GHR: variants seen among roughly 807,000 people sequenced by gnomAD.
The protein encoded by GHR is GH receptor.
Under a neutral mutation model 67.1 loss-of-function variants are expected in GHR, and 35 were observed. That is an observed-to-expected ratio of 0.52 (90% confidence interval 0.40 to 0.69). The LOEUF (loss-of-function observed/expected upper bound fraction) is 0.69, where lower values mean the gene tolerates loss of function less well. Ranked by LOEUF, GHR falls within the 30% of genes least tolerant of loss-of-function variation. The pLI is 0.00. For missense variants in GHR, 792 were observed against 764.6 expected (o/e 1.04, Z -0.42); for synonymous variants, 272 against 269.1 (o/e 1.01, Z -0.10).
intron 3 of GHR, among the ~76,000 whole-genome samples, chr5:42,665,972 A>G (rs1057453654): frequency 1.3e-5 from 2 of 152,060 alleles, no homozygotes; most frequent in Non-Finnish European, 2.9e-5. Context: ...TGCCCCCATG[A>G]TTCAATTACC....
chr5:42,527,200 T>A (rs1747740907), intron 1 of GHR, among the ~76,000 whole-genome samples: 1 of 152,102 alleles, frequency 6.6e-6, no homozygotes, highest in African/African-American at 2.4e-5. Context: ...AACAACACAA[T>A]GACACTATCA....
intron 6 of GHR, among the ~76,000 whole-genome samples, chr5:42,705,763 CCATGGTGTA>C (rs1382836872): frequency 6.6e-6 from 1 of 152,142 alleles, no homozygotes; most frequent in East Asian, 1.9e-4. Context: ...GAGCAGTATT[CCATGGTGTA>C]CATATACCAC....
At chr5:42,553,732 C>T (rs995608022) in intron 1 of GHR, among the ~76,000 whole-genome samples, 14 of 152,328 alleles carry the variant, frequency 9.2e-5, no homozygotes, top group African/African-American at 3.4e-4. Flanking sequence ...GATCTTTTAG[C>T]ATTCCATCTA....
At chr5:42,464,660 T>C (rs971261103) in intron 1 of GHR, among the ~76,000 whole-genome samples, 1 of 152,196 alleles carries the variant, frequency 6.6e-6, no homozygotes, top group Admixed American at 6.5e-5. Flanking sequence ...ATCTTAGTTT[T>C]GTTAAGGGTA....
intron 1 of GHR, among the ~76,000 whole-genome samples, chr5:42,459,130 T>C (rs145670703): frequency 6.6e-6 from 1 of 152,324 alleles, no homozygotes; most frequent in East Asian, 1.9e-4. Flanking sequence ...AGAATTACCA[T>C]TAGACCCAAT....
At chr5:42,701,921 C>T (rs1017440197) in intron 6 of GHR, among the ~76,000 whole-genome samples, 2 of 151,778 alleles carry the variant, frequency 1.3e-5, no homozygotes, top group African/African-American at 4.8e-5. Context: ...TAGATAGAAT[C>T]GTGAATTTTT....
At chr5:42,524,352 A>G (rs1579867321) in intron 1 of GHR, among the ~76,000 whole-genome samples, 1 of 152,216 alleles carries the variant, frequency 6.6e-6, no homozygotes, top group East Asian at 1.9e-4. Flanking sequence ...ATGTTTTAGC[A>G]AAAAGACTGG....
At position 42,711,293 on chromosome 5, in the gene GHR, A is replaced by G. The variant is rs749447361; in HGVS notation, c.705A>G (p.Arg235=). Residue 235 remains arginine (R), a synonymous_variant, in exon 7 of 10, where the codon CGA becomes CGG. Coordinates refer to ENST00000230882, the MANE Select transcript of GHR (RefSeq NM_000163.5). ...EYEVRVRSKQ[R]NSGNYGEFSE... is the part of the protein sequence containing the mutation. The stretch of plus-strand genomic sequence containing the variant: ...AAGTGCGTGTGAGATCCAAACAACG[A>G]AACTCTGGAAATTATGGCGAGTTCA... 1.9e-6 allele frequency: 3 copies of G among 1,613,156 alleles called. No homozygotes were observed. Among genetic ancestry groups the G allele is most frequent in the Admixed American group, 3.3e-5 (2 of 60,014 alleles).
At chr5:42,665,808 G>A (rs1755936543) in intron 3 of GHR, among the ~76,000 whole-genome samples, 1 of 152,102 alleles carries the variant, frequency 6.6e-6, no homozygotes, top group Non-Finnish European at 1.5e-5. Flanking sequence ...CATGGCTGGT[G>A]AGGCCTCACA....
chr5:42,468,149 A>G (rs1249450169), intron 1 of GHR: 19 of 1,297,324 alleles, frequency 1.5e-5, no homozygotes, highest in Non-Finnish European at 2.1e-5. Flanking sequence ...TCCTCTTCTG[A>G]TCCATCAAGG....
intron 3 of GHR, among the ~76,000 whole-genome samples, chr5:42,636,188 C>T (rs187121270): frequency 8.0e-5 from 10 of 125,260 alleles, no homozygotes; most frequent in African/African-American, 2.2e-4. Context: ...CCAGCCTGGG[C>T]GACAGAGCGA....
At chr5:42,666,299 T>C (rs1270204150) in intron 3 of GHR, among the ~76,000 whole-genome samples, 1 of 152,174 alleles carries the variant, frequency 6.6e-6, no homozygotes, top group African/African-American at 2.4e-5. Flanking sequence ...GTAGGTTATT[T>C]ATCCCAATAT....
intron 3 of GHR, among the ~76,000 whole-genome samples, chr5:42,639,326 T>C (rs1359192714): frequency 6.6e-6 from 1 of 152,186 alleles, no homozygotes; most frequent in Non-Finnish European, 1.5e-5. Flanking sequence ...AATTGTGCAC[T>C]TTAAAGACTC....
At chr5:42,534,198 G>A (rs929264051) in intron 1 of GHR, among the ~76,000 whole-genome samples, 1 of 136,386 alleles carries the variant, frequency 7.3e-6, no homozygotes, top group Non-Finnish European at 1.5e-5. Flanking sequence ...ATGTACATGT[G>A]TATATATGTA....
At chr5:42,461,941 A>G (rs1744504659) in intron 1 of GHR, among the ~76,000 whole-genome samples, 1 of 152,214 alleles carries the variant, frequency 6.6e-6, no homozygotes, top group Admixed American at 6.5e-5. Flanking sequence ...TGCCTCTGGC[A>G]GACCCCTCCA....
chr5:42,535,643 C>G (rs960324789), intron 1 of GHR, among the ~76,000 whole-genome samples: 14 of 151,942 alleles, frequency 9.2e-5, no homozygotes, highest in African/African-American at 3.4e-4. Flanking sequence ...TATGCAGGCT[C>G]TTTTTTGGTT....
At chr5:42,716,056 C>T (rs1047257366) in intron 8 of GHR, among the ~76,000 whole-genome samples, 5 of 152,152 alleles carry the variant, frequency 3.3e-5, no homozygotes, top group African/African-American at 9.6e-5. Context: ...GAAAAGCACA[C>T]GTCACAAAGT....
chr5:42,620,770 T>A (rs1270490711), intron 2 of GHR, among the ~76,000 whole-genome samples: 1 of 152,176 alleles, frequency 6.6e-6, no homozygotes, highest in Admixed American at 6.6e-5. Context: ...ACGCTACCTA[T>A]GAGTCACCAG....
At chr5:42,521,585 C>T (rs1037862905) in intron 1 of GHR, among the ~76,000 whole-genome samples, 2 of 152,178 alleles carry the variant, frequency 1.3e-5, no homozygotes, top group Admixed American at 1.3e-4. Context: ...TTTACATTTT[C>T]ATCTGCTAAC....
Sources: allele counts gnomAD v4.1 joint callset (sites outside exome capture counted in the v4.1 genomes callset), GRCh38; gene constraint gnomAD v4.1.1; transcripts MANE v1.5; gene names NCBI Gene and HGNC (gene_info 2026-07-23, HGNC 2026-07-21).